Variants in MACROD2 observed in about 807,000 individuals in gnomAD.
The protein encoded by MACROD2 is ADP-ribose glycohydrolase MACROD2.
Under a neutral mutation model 70.4 loss-of-function variants are expected in MACROD2, and 36 were observed. That is an observed-to-expected ratio of 0.51 (90% CI 0.39 to 0.68). The LOEUF is 0.68. Among genes scored for constraint, MACROD2 ranks in the 30% least tolerant of loss-of-function variants. The probability of loss-of-function intolerance (pLI) is 0.00; values close to 1 mark genes in which losing one functional copy is unlikely to be tolerated. For synonymous variants in MACROD2, 172 were observed against 178.8 expected (o/e 0.96, Z 0.30); for missense variants, 496 against 538.4 (o/e 0.92, Z 0.78).
chr20:15,716,977 C>G (rs985430763), intron 8 of MACROD2, among the ~76,000 whole-genome samples: 2 of 152,216 alleles, frequency 1.3e-5, no homozygotes, highest in Non-Finnish European at 2.9e-5. Flanking sequence ...AAATCCCATT[C>G]TGTTGATAAA....
intron 3 of MACROD2, among the ~76,000 whole-genome samples, chr20:14,443,229 C>T (rs1423135314): frequency 2.0e-5 from 3 of 151,316 alleles, no homozygotes; most frequent in East Asian, 3.9e-4. Context: ...TGGGTAGAGG[C>T]TGGGACAAGG....
chr20:14,658,922 CATTTTAAAAAT>C, intron 4 of MACROD2, among the ~76,000 whole-genome samples: 1 of 152,300 alleles, frequency 6.6e-6, no homozygotes, highest in Non-Finnish European at 1.5e-5. Context: ...CTCAAATCTA[CATTTTAAAAAT>C]ATTTTAAAAT....
chr20:14,269,412 G>T (rs919665284), intron 3 of MACROD2, among the ~76,000 whole-genome samples: 1 of 152,122 alleles, frequency 6.6e-6, no homozygotes, highest in Non-Finnish European at 1.5e-5. Flanking sequence ...TGAGGACAAG[G>T]ATACTACCAG....
At chr20:14,374,043 A>G (rs890896115) in intron 3 of MACROD2, among the ~76,000 whole-genome samples, 2 of 152,106 alleles carry the variant, frequency 1.3e-5, no homozygotes, top group African/African-American at 2.4e-5. Context: ...TTTGCATGAC[A>G]TTATTTACTT....
chr20:14,921,392 TA>T (rs2074161803), intron 5 of MACROD2, among the ~76,000 whole-genome samples: 1 of 152,200 alleles, frequency 6.6e-6, no homozygotes, highest in Non-Finnish European at 1.5e-5. Context: ...CAATTTAAAC[TA>T]ATTCTTATTG....
At chr20:15,318,676 G>C (rs1693700054) in intron 6 of MACROD2, among the ~76,000 whole-genome samples, 2 of 151,966 alleles carry the variant, frequency 1.3e-5, no homozygotes, top group South Asian at 4.1e-4. Context: ...TAAGATAACA[G>C]CAATCAATGT....
chr20:15,761,529 C>G (rs1380395752), intron 8 of MACROD2, among the ~76,000 whole-genome samples: 1 of 152,096 alleles, frequency 6.6e-6, no homozygotes, highest in Non-Finnish European at 1.5e-5. Context: ...GAGAAAAAGG[C>G]TATTAAAGCC....
intron 3 of MACROD2, among the ~76,000 whole-genome samples, chr20:14,332,747 A>G (rs2082867852): frequency 6.6e-6 from 1 of 152,134 alleles, no homozygotes; most frequent in Non-Finnish European, 1.5e-5. Context: ...CCTTGAGACT[A>G]AAGAAAACAC....
At chr20:15,505,842 C>T (rs1384718563) in intron 8 of MACROD2, among the ~76,000 whole-genome samples, 7 of 152,124 alleles carry the variant, frequency 4.6e-5, no homozygotes, top group African/African-American at 1.7e-4. Context: ...TCTCTCCTCG[C>T]GTACAAGGTT....
intron 5 of MACROD2, among the ~76,000 whole-genome samples, chr20:15,203,818 C>T (rs2076677991): frequency 6.6e-6 from 1 of 152,040 alleles, no homozygotes; most frequent in Non-Finnish European, 1.5e-5. Flanking sequence ...ACTCACTGAA[C>T]TTTTAAAAAT....
At chr20:15,835,926 A>G (rs1462840268) in intron 8 of MACROD2, among the ~76,000 whole-genome samples, 15 of 152,214 alleles carry the variant, frequency 9.9e-5, no homozygotes. Flanking sequence ...GAAAAGCCAC[A>G]TGCATCAAAT....
chr20:15,492,846 T>C (rs2047249290), intron 7 of MACROD2, among the ~76,000 whole-genome samples: 1 of 152,152 alleles, frequency 6.6e-6, no homozygotes. Context: ...TCAAGGGAGT[T>C]TGATTTTTTT....
intron 10 of MACROD2, among the ~76,000 whole-genome samples, chr20:15,900,213 T>C (rs2065044220): frequency 6.6e-6 from 1 of 152,170 alleles, no homozygotes; most frequent in Non-Finnish European, 1.5e-5. Context: ...ATCACTCAAA[T>C]GAGCTTAGTG....
intron 8 of MACROD2, among the ~76,000 whole-genome samples, chr20:15,660,904 A>G (rs1001515200): frequency 3.3e-5 from 5 of 152,164 alleles, no homozygotes; most frequent in African/African-American, 1.2e-4. Context: ...CTTTGTACTG[A>G]AGCTTTTAGA....
At chr20:14,417,066 CATCTATCTATCTATCTATCT>C (rs11405633) in intron 3 of MACROD2, among the ~76,000 whole-genome samples, 2,321 of 132,578 alleles carry the variant, frequency 0.018, 56 homozygotes, top group African/African-American at 0.054. Context: ...ATCTATCTAT[CATCTATCTATCTATCTATCT>C]ATCTATCTAT....
At chr20:14,580,954 AG>A (rs1980974285) in intron 4 of MACROD2, among the ~76,000 whole-genome samples, 1 of 152,218 alleles carries the variant, frequency 6.6e-6, no homozygotes, top group African/African-American at 2.4e-5. Context: ...ACATTTGAAA[AG>A]CTAAACTGAT....
intron 3 of MACROD2, among the ~76,000 whole-genome samples, chr20:14,248,642 A>G (rs78213502): frequency 6.8e-4 from 104 of 152,222 alleles, no homozygotes; most frequent in Non-Finnish European, 1.0e-3. Flanking sequence ...GGCTATGTGC[A>G]TAAAATGCAT....
chr20:15,668,515 C>G (rs1007958105), intron 8 of MACROD2, among the ~76,000 whole-genome samples: 1 of 152,000 alleles, frequency 6.6e-6, no homozygotes, highest in Non-Finnish European at 1.5e-5. Context: ...TTGCAGTGAG[C>G]CGAGGTCATG....
intron 3 of MACROD2, among the ~76,000 whole-genome samples, chr20:14,228,193 A>T (rs912189): frequency 0.96 from 145,055 of 151,524 alleles, 69,422 homozygotes; most frequent in East Asian, 0.97. Flanking sequence ...AGAGAGAGAG[A>T]GTGTGTGTGT....
Sources: allele counts gnomAD v4.1 joint callset (sites outside exome capture counted in the v4.1 genomes callset), GRCh38; gene constraint gnomAD v4.1.1; transcripts MANE v1.5; gene names NCBI Gene and HGNC (gene_info 2026-07-23, HGNC 2026-07-21).